PPARGC1A: variants seen among roughly 807,000 people sequenced by gnomAD.
The protein encoded by PPARGC1A is peroxisome proliferator-activated receptor gamma coactivator 1-alpha.
A neutral mutation model predicts 88.7 loss-of-function variants in PPARGC1A; 25 were observed. The ratio of observed to expected loss-of-function variants is 0.28; its 90% CI spans 0.21 to 0.39. The LOEUF is 0.39. Among genes scored for constraint, PPARGC1A ranks in the 10% least tolerant of loss-of-function variants. The pLI is 1.00. For synonymous variants in PPARGC1A, 363 were observed against 355.6 expected (o/e 1.02, Z -0.24); for missense variants, 880 against 968.7 (o/e 0.91, Z 1.22).
chr4:23,807,011 T>C (rs186545221), intron 10 of PPARGC1A, among the ~76,000 whole-genome samples: 8 of 152,208 alleles, frequency 5.3e-5, no homozygotes, highest in African/African-American at 1.9e-4. Flanking sequence ...TTCAGCTCTC[T>C]ACGTTTGCAA....
At chr4:24,058,598 C>A in the PPARGC1A span, among the ~76,000 whole-genome samples, 73 of 152,240 alleles carry the variant, frequency 4.8e-4, 1 homozygote, top group South Asian at 0.014. Flanking sequence ...ACAAAAGGGA[C>A]AAGTTCAGGT....
chr4:23,873,489 G>A (rs981968034), intron 2 of PPARGC1A, among the ~76,000 whole-genome samples: 4 of 152,250 alleles, frequency 2.6e-5, no homozygotes, highest in Non-Finnish European at 5.9e-5. Context: ...CCATGCCTCT[G>A]GTGCAGAAAT....
chr4:23,888,858 A>T (rs1444292819), intron 1 of PPARGC1A: 3 of 881,364 alleles, frequency 3.4e-6, no homozygotes, highest in Non-Finnish European at 4.1e-6. Flanking sequence ...CCAGCTACCC[A>T]GAGGAAACAC....
At chr4:24,208,375 T>C in the PPARGC1A span, among the ~76,000 whole-genome samples, 1 of 152,016 alleles carries the variant, frequency 6.6e-6, no homozygotes, top group Non-Finnish European at 1.5e-5. Flanking sequence ...CTTCCCTCCA[T>C]GGTAGAAGTG....
At chr4:23,947,352 G>GAGATAT in the PPARGC1A span, among the ~76,000 whole-genome samples, 1 of 75,884 alleles carries the variant, frequency 1.3e-5, no homozygotes, top group Non-Finnish European at 2.3e-5. Context: ...GTTATATAGT[G>GAGATAT]ATATATATAT....
At chr4:24,332,100 A>G in the PPARGC1A span, among the ~76,000 whole-genome samples, 1 of 137,476 alleles carries the variant, frequency 7.3e-6, no homozygotes, top group African/African-American at 2.7e-5. Context: ...AGTTCTCAGA[A>G]GAACAGTGGG....
the PPARGC1A span, among the ~76,000 whole-genome samples, chr4:24,040,268 G>C: frequency 6.6e-6 from 1 of 152,114 alleles, no homozygotes; most frequent in Non-Finnish European, 1.5e-5. Context: ...GTGACTATTT[G>C]TAGACTCTGC....
intron 2 of PPARGC1A, among the ~76,000 whole-genome samples, chr4:23,837,177 T>C (rs1156609681): frequency 6.6e-6 from 1 of 152,160 alleles, no homozygotes; most frequent in Non-Finnish European, 1.5e-5. Flanking sequence ...TCTCGCTTCC[T>C]CATTATTCAA....
At chr4:24,304,816 A>G in the PPARGC1A span, among the ~76,000 whole-genome samples, 1 of 152,310 alleles carries the variant, frequency 6.6e-6, no homozygotes, top group South Asian at 2.1e-4. Context: ...TATATATCTT[A>G]TAAAGAGCTC....
chr4:23,889,838 C>G, intron 1 of PPARGC1A, 66 bp downstream of exon 1: 3 of 1,579,440 alleles, frequency 1.9e-6, no homozygotes, highest in East Asian at 4.5e-5. Context: ...TCCCCCCTTA[C>G]AGGAATAATA....
At chr4:24,309,426 T>A in the PPARGC1A span, among the ~76,000 whole-genome samples, 1 of 152,036 alleles carries the variant, frequency 6.6e-6, no homozygotes, top group Non-Finnish European at 1.5e-5. Context: ...TGGAGCCTCA[T>A]GGGAAAAGTG....
the PPARGC1A span, among the ~76,000 whole-genome samples, chr4:23,953,757 C>T: frequency 2.4e-3 from 369 of 152,062 alleles, 2 homozygotes; most frequent in African/African-American, 8.3e-3. Flanking sequence ...ATTTTATAAT[C>T]GATTCAAGTC....
At chr4:23,941,289 C>T in the PPARGC1A span, among the ~76,000 whole-genome samples, 4 of 152,154 alleles carry the variant, frequency 2.6e-5, no homozygotes, top group African/African-American at 9.7e-5. Context: ...AACTCCTGGC[C>T]TCAAACTAAT....
the PPARGC1A span, among the ~76,000 whole-genome samples, chr4:24,241,277 AAG>A: frequency 6.6e-6 from 1 of 152,234 alleles, no homozygotes; most frequent in Non-Finnish European, 1.5e-5. Flanking sequence ...ACTTTTGTAA[AAG>A]AAAAAAAGGC....
intron 2 of PPARGC1A, among the ~76,000 whole-genome samples, chr4:23,873,517 C>G (rs1441098422): frequency 2.0e-5 from 3 of 152,196 alleles, no homozygotes; most frequent in Non-Finnish European, 4.4e-5. Context: ...ACTGTGGAAA[C>G]TGGTCTCTGA....
chr4:23,889,024 G>A lies in PPARGC1A; in HGVS notation c.54+880C>T, dbSNP rs1052567097. 69 of 985,312 alleles carry A rather than the reference G, an allele frequency of 7.0e-5. 1 individual carries two copies. The highest frequency in any genetic ancestry group is 1.9e-4 in the South Asian group (4 of 21,284). The allele number at this position is 985,312 out of a possible 1,614,324, so 61.0% of individuals were successfully genotyped here. ...ATTCCATTGTGCTGAATGCAAACAC[G>A]CCGAGGTCCTCCGTCCCCCCACTAG... On this transcript the variant is annotated intron_variant, in intron 1 of 12. Transcript: ENST00000264867.
chr4:24,434,504 T>A, the PPARGC1A span, among the ~76,000 whole-genome samples: 3 of 152,268 alleles, frequency 2.0e-5, no homozygotes, highest in African/African-American at 7.2e-5. Flanking sequence ...TCAGTGAAAG[T>A]TTCCAGGCGA....
intron 2 of PPARGC1A, among the ~76,000 whole-genome samples, chr4:23,838,900 T>C (rs575433706): frequency 2.1e-3 from 198 of 92,406 alleles, no homozygotes; most frequent in Middle Eastern, 0.011. Context: ...TCAATTGTAG[T>C]TGACTATAAA....
the PPARGC1A span, among the ~76,000 whole-genome samples, chr4:24,101,576 A>C: frequency 6.6e-6 from 1 of 152,192 alleles, no homozygotes; most frequent in Non-Finnish European, 1.5e-5. Flanking sequence ...AAAATATCAC[A>C]CGTACCCCAT....
Sources: allele counts gnomAD v4.1 joint callset (sites outside exome capture counted in the v4.1 genomes callset), GRCh38; gene constraint gnomAD v4.1.1; transcripts MANE v1.5; gene names NCBI Gene and HGNC (gene_info 2026-07-23, HGNC 2026-07-21).